Variants in FHOD3 observed in about 807,000 individuals in gnomAD.
FHOD3 encodes FH1/FH2 domain-containing protein 3.
Under a neutral mutation model 173.0 loss-of-function variants are expected in FHOD3, and 90 were observed. The ratio of observed to expected loss-of-function variants is 0.52; its 90% CI spans 0.44 to 0.62. The LOEUF is 0.62. Ranked by LOEUF, FHOD3 falls within the 20% of genes least tolerant of loss-of-function variation. The pLI, the probability that FHOD3 is intolerant of heterozygous loss-of-function variation, is 0.00. For synonymous variants in FHOD3, 828 were observed against 823.0 expected, an observed-to-expected ratio of 1.01 and a Z score of -0.10; for missense variants, 1,945 against 2,034.7, an observed-to-expected ratio of 0.96 and a Z score of 0.85.
intron 17 of FHOD3, among the ~76,000 whole-genome samples, chr18:36,704,736 G>C (rs2039774974): frequency 6.6e-6 from 1 of 152,138 alleles, no homozygotes; most frequent in Non-Finnish European, 1.5e-5. Context: ...CCCATAGAGA[G>C]ATCGTGAGGG....
chr18:36,343,067 G>T (rs1030114529), intron 1 of FHOD3, among the ~76,000 whole-genome samples: 4 of 152,222 alleles, frequency 2.6e-5, no homozygotes, highest in African/African-American at 9.6e-5. Context: ...AACATTGCTG[G>T]TGGGAATGTA....
At chr18:36,450,163 A>G (rs1474786970) in intron 3 of FHOD3, among the ~76,000 whole-genome samples, 2 of 152,198 alleles carry the variant, frequency 1.3e-5, no homozygotes, top group Non-Finnish European at 2.9e-5. Context: ...GAGTGAGAAC[A>G]TACGATGTTT....
Position 36,760,632 on chromosome 18 carries a change from C to G in FHOD3, c.4474C>G (p.Pro1492Ala). 1.3e-6 allele frequency: 2 copies of G among 1,588,572 alleles called. No individual in the cohort carries two copies. Among genetic ancestry groups the G allele is most frequent in the Non-Finnish European group, 8.6e-7 (1 of 1,165,332 alleles). The change falls in exon 27 of 29, where the codon CCG becomes GCG. Residue 1492 changes from proline to alanine, a missense_variant. Coordinates refer to ENST00000590592, the MANE Select transcript of FHOD3 (RefSeq NM_001281740.3). ...VESGKFSGSS[P>A]APPSQPQGLS... ...GTCTGGCAAGTTCTCCGGCAGTTCTCCGGCGCCCCCAAGCCAGCCGCAGGG... is the reference window on the plus strand; with the variant it reads ...GTCTGGCAAGTTCTCCGGCAGTTCTGCGGCGCCCCCAAGCCAGCCGCAGGG...
At chr18:36,563,420 G>A (rs1416963008) in intron 5 of FHOD3, among the ~76,000 whole-genome samples, 1 of 152,176 alleles carries the variant, frequency 6.6e-6, no homozygotes, top group African/African-American at 2.4e-5. Flanking sequence ...GGGAGTTTTG[G>A]AGGTCTTTGG....
rs558664560 is a variant in FHOD3, at chr18:36,552,364, T to C, written c.512-24087T>C. ...TTGATTTTGTATCCTGAGACTTTGC[T>C]GAAGTTGCTTATGAGCTTAAGGAGA... is the stretch of plus-strand genomic sequence containing the variant. On this transcript the variant is annotated intron_variant, in intron 5 of 28. Transcript: ENST00000590592. Among the ~76,000 whole-genome samples the C allele has an allele frequency of 2.6e-5, 4 of 152,362 alleles. No individual in the cohort carries two copies. The South Asian group carries it at 8.3e-4, about 32-fold the overall frequency.
intron 24 of FHOD3, among the ~76,000 whole-genome samples, chr18:36,751,601 T>C (rs1420494786): frequency 6.6e-6 from 1 of 152,234 alleles, no homozygotes; most frequent in African/African-American, 2.4e-5. Flanking sequence ...TGATATTGGC[T>C]GTGGATTTGT....
At chr18:36,497,671 A>G (rs1025186473) in intron 3 of FHOD3, among the ~76,000 whole-genome samples, 1 of 152,216 alleles carries the variant, frequency 6.6e-6, no homozygotes, top group African/African-American at 2.4e-5. Context: ...CCCAAATGTA[A>G]GCACACCTAC....
At chr18:36,560,842 G>GTTTTTTTT (rs1318480145) in intron 5 of FHOD3, among the ~76,000 whole-genome samples, 2 of 127,570 alleles carry the variant, frequency 1.6e-5, no homozygotes, top group Non-Finnish European at 1.7e-5. Flanking sequence ...TTTTTTTTCT[G>GTTTTTTTT]TTTTTTTTTT....
intron 19 of FHOD3, among the ~76,000 whole-genome samples, chr18:36,719,256 T>G (rs2040628158): frequency 6.6e-6 from 1 of 152,236 alleles, no homozygotes; most frequent in Non-Finnish European, 1.5e-5. Context: ...TGGCATCCTG[T>G]CAATATTACA....
intron 5 of FHOD3, among the ~76,000 whole-genome samples, chr18:36,534,462 CTTTTA>C (rs915713844): frequency 2.6e-5 from 4 of 151,484 alleles, no homozygotes; most frequent in Non-Finnish European, 5.9e-5. Flanking sequence ...GGACTATTTT[CTTTTA>C]TTTTATTTAT....
chr18:36,632,523 T>C (rs1050385952), intron 10 of FHOD3, among the ~76,000 whole-genome samples: 1 of 152,210 alleles, frequency 6.6e-6, no homozygotes, highest in African/African-American at 2.4e-5. Flanking sequence ...ATTTTTTCTG[T>C]CTTTCAAATG....
At chr18:36,700,167 C>T (rs546119916) in intron 17 of FHOD3, among the ~76,000 whole-genome samples, 115 of 152,242 alleles carry the variant, frequency 7.6e-4, no homozygotes, top group South Asian at 2.1e-4. Context: ...ACTGGGCCCT[C>T]GCATTCCACC....
chr18:36,583,461 C>G (rs935880187), intron 6 of FHOD3, among the ~76,000 whole-genome samples: 11 of 152,202 alleles, frequency 7.2e-5, no homozygotes, highest in African/African-American at 2.2e-4. Flanking sequence ...TCTCCTCCCC[C>G]ACCTTGTTGA....
intron 3 of FHOD3, among the ~76,000 whole-genome samples, chr18:36,490,354 C>T (rs1281435770): frequency 6.6e-6 from 1 of 152,068 alleles, no homozygotes; most frequent in Non-Finnish European, 1.5e-5. Context: ...CCCTCCAATT[C>T]AGAGGGAAAA....
intron 5 of FHOD3, among the ~76,000 whole-genome samples, chr18:36,572,318 T>C (rs2058481502): frequency 6.6e-6 from 1 of 152,140 alleles, no homozygotes; most frequent in African/African-American, 2.4e-5. Flanking sequence ...CAGACGTGTG[T>C]TTTCAGGGCA....
At chr18:36,420,764 G>C (rs1438187370) in intron 3 of FHOD3, among the ~76,000 whole-genome samples, 1 of 152,228 alleles carries the variant, frequency 6.6e-6, no homozygotes, top group Non-Finnish European at 1.5e-5. Context: ...GATTCACTTA[G>C]ATGGTTGATA....
chr18:36,359,643 G>A (rs1476518958), intron 2 of FHOD3, among the ~76,000 whole-genome samples: 1 of 152,166 alleles, frequency 6.6e-6, no homozygotes, highest in Non-Finnish European at 1.5e-5. Flanking sequence ...GTATGAAGAG[G>A]GGTCCTGATG....
intron 1 of FHOD3, among the ~76,000 whole-genome samples, chr18:36,335,510 C>A (rs1490236340): frequency 2.1e-5 from 3 of 144,344 alleles, no homozygotes; most frequent in African/African-American, 8.5e-5. Flanking sequence ...AAAAAAAAAA[C>A]TTAAAAAAAA....
intron 3 of FHOD3, among the ~76,000 whole-genome samples, chr18:36,487,780 A>G (rs2054263966): frequency 6.6e-6 from 1 of 152,188 alleles, no homozygotes; most frequent in Admixed American, 6.5e-5. Context: ...TCACTGAGAC[A>G]ACTTGCTGGA....
Sources: allele counts gnomAD v4.1 joint callset (sites outside exome capture counted in the v4.1 genomes callset), GRCh38; gene constraint gnomAD v4.1.1; transcripts MANE v1.5; gene names NCBI Gene and HGNC (gene_info 2026-07-23, HGNC 2026-07-21).